Variants in SERPINF2 observed in about 807,000 individuals in gnomAD.
The protein encoded by SERPINF2 is alpha-2-antiplasmin.
SERPINF2 carries 15 observed loss-of-function variants against 45.0 expected under a neutral mutation model. The ratio of observed to expected loss-of-function variants is 0.33; its 90% confidence interval spans 0.22 to 0.51. The LOEUF (loss-of-function observed/expected upper bound fraction) is 0.51, where lower values mean the gene tolerates loss of function less well. SERPINF2 is among the 20% of genes least tolerant of loss of function. The probability of loss-of-function intolerance (pLI) is 0.97; values close to 1 mark genes in which losing one functional copy is unlikely to be tolerated. For synonymous variants in SERPINF2, 283 were observed against 277.9 expected, an observed-to-expected ratio of 1.02 and a Z score of -0.18; for missense variants, 518 against 637.4, an observed-to-expected ratio of 0.81 and a Z score of 2.02.
In SERPINF2 at chr17:1,754,694, G is replaced by GA. The variant is rs1045980425; in HGVS notation, c.*160_*161insA. 3 of 412,456 alleles carry GA rather than the reference G, an allele frequency of 7.3e-6. No homozygotes were observed. Among genetic ancestry groups the GA allele is most frequent in the Non-Finnish European group, 1.2e-5 (3 of 243,044 alleles). The allele number at this position is 412,456 out of a possible 1,614,324, so 25.5% of individuals were successfully genotyped here. ...CTTGGGGAGTTTAGGGTGGGGGGGG[G>GA]GCGCGGCTGGGAGGAGGGCAGGCAT... On this transcript the variant is annotated 3_prime_UTR_variant, in exon 10 of 10. Coordinates refer to ENST00000453066, the MANE Select transcript of SERPINF2 (RefSeq NM_000934.4).
rs551765135 is a variant in SERPINF2, at chr17:1,744,581, G to A, written c.-4-411G>A. 2.5e-5 allele frequency: 25 copies of A among 985,420 alleles called. No homozygotes were observed. The East Asian group carries it at 4.6e-4, about 18-fold the overall frequency. The allele number at this position is 985,420 out of a possible 1,614,324, so 61.0% of individuals were successfully genotyped here. Reference sequence around the variant, plus strand: ...AGAAGAGTGAGGGACTTGTGCCACCGTTTTACAAGGTAAGGCCAAGCCTGG... The same window carrying A: ...AGAAGAGTGAGGGACTTGTGCCACCATTTTACAAGGTAAGGCCAAGCCTGG... On this transcript the variant is annotated intron_variant, in intron 1 of 9. Coordinates refer to ENST00000453066, the MANE Select transcript of SERPINF2 (RefSeq NM_000934.4).
chr17:1,747,171 T>C lies in SERPINF2; in HGVS notation c.511+9T>C. On this transcript the variant is annotated intron_variant, in intron 6 of 9. Transcript: ENST00000453066. Reference sequence around the variant, plus strand: ...GATGTACCTGCAGAAAGGTAGGCGCTGATGGCAGGGAGCTCCCTCAGTCCT... The same window carrying C: ...GATGTACCTGCAGAAAGGTAGGCGCCGATGGCAGGGAGCTCCCTCAGTCCT... 6.2e-7 allele frequency: 1 copy of C among 1,612,118 alleles called. No individual in the cohort carries two copies. Among genetic ancestry groups the C allele is most frequent in the Non-Finnish European group, 8.5e-7 (1 of 1,179,924 alleles).
At chr17:1,747,639 C>T in intron 7 of SERPINF2, 127 bp downstream of exon 7, 1 of 1,007,344 alleles carries the variant, frequency 9.9e-7, no homozygotes, top group East Asian at 2.6e-5. Flanking sequence ...ATCTCGGCTC[C>T]CTGCAACCTC....
At chr17:1,747,815 C>G (rs1273567006) in intron 7 of SERPINF2, among the ~76,000 whole-genome samples, 1 of 151,986 alleles carries the variant, frequency 6.6e-6, no homozygotes, top group East Asian at 2.0e-4. Flanking sequence ...CCACCCACCT[C>G]GGCCTCCCAA....
rs1346491081 is a variant in SERPINF2 at position 1,753,372 on chromosome 17, G to T, written c.1063+582G>T. On this transcript the variant is annotated intron_variant, in intron 9 of 9. Transcript: ENST00000453066. ...CCACTGCACTCCAGCCTCAGCAAAA[G>T]AACTAAGACCTTGTCTCAAAAATAA... 2.0e-5 allele frequency among the ~76,000 whole-genome samples: 3 copies of T among 152,124 alleles called. No homozygotes were observed. In the East Asian group the frequency reaches 5.8e-4, roughly 29 times the overall value.
chr17:1,744,044 C>T (rs1045138892), intron 1 of SERPINF2, among the ~76,000 whole-genome samples: 1 of 151,496 alleles, frequency 6.6e-6, no homozygotes, highest in African/African-American at 2.4e-5. Context: ...TACAGGGGCC[C>T]ACCACCACGC....
chr17:1,745,962 T>A lies in SERPINF2; in HGVS notation c.367+53T>A, dbSNP rs764368359. ...AGAGAGCTGGGAGGCCAGTAGGAACTCAGTACTCCAATGGTTCTCCGCGGG... is the reference window on the plus strand; with the variant it reads ...AGAGAGCTGGGAGGCCAGTAGGAACACAGTACTCCAATGGTTCTCCGCGGG... On this transcript the variant is annotated intron_variant, in intron 5 of 9. Transcript: ENST00000453066. This position sits in a 1 kb window ranked among gnomAD's most constrained non-coding sequence, Gnocchi z 6.2. 347 of 1,585,046 alleles carry A rather than the reference T, an allele frequency of 2.2e-4. No homozygotes were observed. The highest frequency in any genetic ancestry group is 2.8e-4 in the Non-Finnish European group (319 of 1,153,938).
intron 1 of SERPINF2, among the ~76,000 whole-genome samples, chr17:1,743,936 G>A (rs952532836): frequency 6.0e-5 from 9 of 150,540 alleles, no homozygotes; most frequent in East Asian, 2.1e-4. Flanking sequence ...TTGCTCTGTC[G>A]CCCAGGCTGG....
intron 1 of SERPINF2, chr17:1,744,727 A>G (rs1905634864): frequency 2.0e-6 from 2 of 985,388 alleles, no homozygotes; most frequent in Non-Finnish European, 2.4e-6. Flanking sequence ...TCTCCCTCCT[A>G]TTCACCAAAA....
intron 1 of SERPINF2, 57 bp from the exon 2 acceptor site, chr17:1,744,935 T>C: frequency 2.5e-6 from 4 of 1,611,682 alleles, no homozygotes; most frequent in Non-Finnish European, 3.4e-6. Context: ...GTGGGTAGGA[T>C]TCCCTGGCGG....
At position 1,754,118 on chromosome 17, in the gene SERPINF2, G is replaced by GC; in HGVS notation, c.1064-3dup. Reference sequence around the variant, plus strand: ...TCTGACCAGCCATCTCTGGCCCTGGGCAGGCCTGCAGGAGTTGTTCCAGGC... The same window carrying GC: ...TCTGACCAGCCATCTCTGGCCCTGGGCCAGGCCTGCAGGAGTTGTTCCAGGC... On this transcript the variant is annotated splice_polypyrimidine_tract_variant and splice_region_variant and intron_variant, in intron 9 of 9. Transcript: ENST00000453066. 6.2e-7 allele frequency: 1 copy of GC among 1,603,804 alleles called. No individual in the cohort carries two copies. The highest frequency in any genetic ancestry group is 8.5e-7 in the Non-Finnish European group (1 of 1,179,986).
chr17:1,746,878 G>A (rs1905874727), intron 5 of SERPINF2, 141 bp from the exon 6 acceptor site: 12 of 1,183,546 alleles, frequency 1.0e-5, no homozygotes, highest in Admixed American at 4.7e-5. Flanking sequence ...TGAGAGCCAC[G>A]CAGAACAGAT....
Position 1,745,283 on chromosome 17 carries a change from G to A in SERPINF2, c.103-50G>A. ...GTCTCACTGGTGGCTTGGGCAGGGTGGGGGGCCTGTGGGAAGGGTCGGTCT... is the reference window on the plus strand; with the variant it reads ...GTCTCACTGGTGGCTTGGGCAGGGTAGGGGGCCTGTGGGAAGGGTCGGTCT... On this transcript the variant is annotated intron_variant, in intron 3 of 9. Coordinates refer to ENST00000453066, the MANE Select transcript of SERPINF2 (RefSeq NM_000934.4). This position sits in a 1 kb window ranked among gnomAD's most constrained non-coding sequence, Gnocchi z 6.2. 2 of 1,609,376 alleles carry A rather than the reference G, an allele frequency of 1.2e-6. No homozygotes were observed. The highest frequency in any genetic ancestry group is 1.1e-5 in the South Asian group (1 of 90,532).
chr17:1,751,753 CAA>C (rs1180648980), intron 8 of SERPINF2, among the ~76,000 whole-genome samples: 1 of 112,018 alleles, frequency 8.9e-6, no homozygotes, highest in Non-Finnish European at 1.9e-5. Flanking sequence ...GACTCCAACT[CAA>C]AAGAAAAGAA....
chr17:1,742,934 T>G, intron 1 of SERPINF2, 26 bp downstream of exon 1: 1 of 985,446 alleles, frequency 1.0e-6, no homozygotes, highest in African/African-American at 1.7e-5. Context: ...CTGCTCGGCC[T>G]GCTCCTTGGG....
chr17:1,746,889 C>T, intron 5 of SERPINF2, 130 bp from the exon 6 acceptor site: 1 of 1,252,870 alleles, frequency 8.0e-7, no homozygotes, highest in Non-Finnish European at 1.1e-6. Flanking sequence ...CAGAACAGAT[C>T]CGTGGCTGTG....
chr17:1,749,054 G>A (rs1348239067), intron 8 of SERPINF2, among the ~76,000 whole-genome samples: 1 of 152,214 alleles, frequency 6.6e-6, no homozygotes, highest in Non-Finnish European at 1.5e-5. Context: ...TAGGAAGGAG[G>A]ATACACAGTG....
chr17:1,743,977 A>G lies in SERPINF2; in HGVS notation c.-4-1015A>G, dbSNP rs563837136. ...AGTGGCGTGATCTCGGCTCACTGCAACCTCCGCCTCCCGGGTTCAAGCAGT... is the reference window on the plus strand; with the variant it reads ...AGTGGCGTGATCTCGGCTCACTGCAGCCTCCGCCTCCCGGGTTCAAGCAGT... On this transcript the variant is annotated intron_variant, in intron 1 of 9. Transcript: ENST00000453066. 6.7e-5 allele frequency among the ~76,000 whole-genome samples: 10 copies of G among 149,492 alleles called. No individual in the cohort carries two copies. In the South Asian group the frequency reaches 1.9e-3, roughly 29 times the overall value.
intron 1 of SERPINF2, among the ~76,000 whole-genome samples, chr17:1,743,553 TA>T (rs1462619415): frequency 4.6e-5 from 7 of 151,092 alleles, no homozygotes; most frequent in Admixed American, 4.6e-4. Context: ...CTGTCTCTAC[TA>T]AAAATACAAA....
Sources: gnomAD v4.1 joint callset for allele counts (sites outside exome capture counted in the v4.1 genomes callset) on GRCh38, gnomAD v4.1.1 for gene constraint, Gnocchi (gnomAD v3.1) non-coding constraint, MANE v1.5 for transcripts, NCBI Gene and HGNC (gene_info 2026-07-23, HGNC 2026-07-21) for gene names.